The following ZNF830 variants were observed in gnomAD, a reference collection of about 807,000 sequenced individuals.
ZNF830 encodes the protein coiled-coil domain containing 16.
In ZNF830, 15 loss-of-function variants were observed where a neutral mutation model predicts 28.1. The observed-to-expected ratio is 0.53, with a 90% confidence interval of 0.36 to 0.82. The LOEUF (loss-of-function observed/expected upper bound fraction) is 0.82. ZNF830 is among the 40% of genes least tolerant of loss of function. The probability of loss-of-function intolerance (pLI) is 0.01; values close to 1 mark genes in which losing one functional copy is unlikely to be tolerated. For missense variants in ZNF830, 456 were observed against 467.7 expected (o/e 0.97, Z 0.23); for synonymous variants, 208 against 185.3 (o/e 1.12, Z -0.99).
Position 34,962,769 on chromosome 17 carries a change from C to T in ZNF830, c.*84C>T. 1 of 1,485,550 alleles carries T rather than the reference C, an allele frequency of 6.7e-7. No individual in the cohort carries two copies. Among genetic ancestry groups the T allele is most frequent in the Non-Finnish European group, 8.9e-7 (1 of 1,121,226 alleles). 92.0% of individuals were successfully genotyped at this position (1,485,550 alleles called of 1,614,324 possible). A position where few individuals can be genotyped will look rare whatever the true frequency, so the allele number is the denominator to read the frequency against. On this transcript the variant is annotated 3_prime_UTR_variant, in exon 1 of 1. Transcript: ENST00000361952. ...TCAGTAGTATAGCGGTTACTTCATG[C>T]CTCAAGATTTGGGTACCTGGATTGC...
rs1567676549 is a variant in ZNF830, at chr17:34,961,548, T to C, written c.-19T>C. ...CTCGCCCGACGGAAACCAGAATCGT[T>C]TTGGGTCTGGTCGCCAAGATGGCGT... On this transcript the variant is annotated 5_prime_UTR_variant, in exon 1 of 1. Transcript: ENST00000361952. The C allele has an allele frequency of 1.2e-5, 20 of 1,610,218 alleles. No homozygotes were observed. Among genetic ancestry groups the C allele is most frequent in the Non-Finnish European group, 1.6e-5 (19 of 1,177,634 alleles).
In ZNF830 at chr17:34,961,918, G is replaced by A; in HGVS notation, c.352G>A (p.Ala118Thr). ...ADDQDVKRAKATLVPQVQPST... is the reference protein window; with the variant it reads ...ADDQDVKRAKTTLVPQVQPST... ...CGACCAAGATGTCAAGAGAGCGAAGGCCACCTTGGTGCCTCAGGTACAGCC... is the reference window on the plus strand; with the variant it reads ...CGACCAAGATGTCAAGAGAGCGAAGACCACCTTGGTGCCTCAGGTACAGCC... Residue 118 changes from alanine (A) to threonine (T), a missense_variant, in exon 1 of 1, where the codon GCC (alanine) becomes ACC (threonine). By Grantham distance (58) the Ala-to-Thr change is moderately conservative. Transcript: ENST00000361952. 6.2e-7 allele frequency: 1 copy of A among 1,614,176 alleles called. No homozygotes were observed. The highest frequency in any genetic ancestry group is 8.5e-7 in the Non-Finnish European group (1 of 1,180,024).
rs768256504 is a variant in ZNF830 at position 34,962,322 on chromosome 17, C to T, written c.756C>T (p.Asp252=). 5 of 1,613,834 alleles carry T rather than the reference C, an allele frequency of 3.1e-6. No homozygotes were observed. The highest frequency in any genetic ancestry group is 4.5e-5 in the East Asian group (2 of 44,888). Residue 252 remains aspartate, a synonymous_variant, in exon 1 of 1, where the codon GAC becomes GAT. Transcript: ENST00000361952. ...AAGCGTTACCGGAAGGTTTTTTTGA[C>T]GACCCTGAGGTAGATGCAAGAGTAC... The part of the protein sequence containing the change: ...TAEALPEGFF[D]DPEVDARVRK...
chr17:34,961,867 G>T lies in ZNF830; in HGVS notation c.301G>T (p.Val101Phe), dbSNP rs751293543. The T allele has an allele frequency of 6.2e-7, 1 of 1,614,090 alleles. No homozygotes were observed. Among genetic ancestry groups the T allele is most frequent in the African/African-American group, 1.3e-5 (1 of 75,014 alleles). ...GSSASSAPHS[V>F]KRKAPDADDQ... is the part of the protein sequence containing the mutation. ...GTCCGCCAGTTCAGCGCCTCATTCC[G>T]TCAAGAGGAAAGCGCCGGACGCAGA... The change falls in exon 1 of 1, where the codon GTC (valine) becomes TTC (phenylalanine). Residue 101 changes from valine (V) to phenylalanine (F), a missense_variant. By Grantham distance (50) the Val-to-Phe change is conservative. Transcript: ENST00000361952.
rs1192096872 is a variant in ZNF830 at position 34,962,358 on chromosome 17, T to C, written c.792T>C (p.Asp264=). The C allele has an allele frequency of 6.2e-7, 1 of 1,614,156 alleles. No homozygotes were observed. The highest frequency in any genetic ancestry group is 8.5e-7 in the Non-Finnish European group (1 of 1,180,042). The change falls in exon 1 of 1, where the codon GAT becomes GAC. Residue 264 remains aspartate (D), a synonymous_variant. Transcript: ENST00000361952. ...PEVDARVRKV[D]APKDQMDKEW... is the part of the protein sequence containing the mutation. The stretch of plus-strand genomic sequence containing the variant: ...TAGATGCAAGAGTACGAAAGGTTGA[T>C]GCTCCAAAAGATCAGATGGACAAAG...
At position 34,963,035 on chromosome 17, in the gene ZNF830, G is replaced by A. The variant is rs544247427; in HGVS notation, c.*350G>A. ...TTTTTAATTAATAGAAAGACCAACC[G>A]GCAAACTTTCAGATGAATGCTTACT... On this transcript the variant is annotated 3_prime_UTR_variant, in exon 1 of 1. Transcript: ENST00000361952. The A allele has an allele frequency of 1.1e-5, 2 of 189,200 alleles. No homozygotes were observed. Among genetic ancestry groups the A allele is most frequent in the Admixed American group, 6.0e-5 (1 of 16,552 alleles). 11.7% of individuals were successfully genotyped at this position (189,200 alleles called of 1,614,324 possible). A position where few individuals can be genotyped will look rare whatever the true frequency, so the allele number is the denominator to read the frequency against.
Position 34,961,724 on chromosome 17 carries a change from G to T in ZNF830, c.158G>T (p.Cys53Phe), listed in dbSNP as rs1434181358. Reference protein sequence around the residue: ...AKYNRLGQLSCALCNTPVKSE... With the variant: ...AKYNRLGQLSFALCNTPVKSE... ...TACAACCGTTTGGGGCAGCTGAGTTGTGCCCTGTGTAACACTCCGGTTAAG... is the reference window on the plus strand; with the variant it reads ...TACAACCGTTTGGGGCAGCTGAGTTTTGCCCTGTGTAACACTCCGGTTAAG... Residue 53 changes from cysteine to phenylalanine, a missense_variant, in exon 1 of 1, where the codon TGT becomes TTT. Physicochemically the swap from Cys to Phe is radical, Grantham distance 205. Transcript: ENST00000361952. The T allele has an allele frequency of 6.2e-6, 10 of 1,614,188 alleles. No homozygotes were observed. In the South Asian group the frequency reaches 7.7e-5, roughly 12 times the overall value.
Position 34,963,468 on chromosome 17 carries a change from T to C in ZNF830, c.*783T>C, listed in dbSNP as rs2090441519. On this transcript the variant is annotated 3_prime_UTR_variant, in exon 1 of 1. Transcript: ENST00000361952. ...TTCAGGTTTTTTCTTTTTCTTTAAA[T>C]AACACATTCCATAAATTTGCTGTTT... 1.3e-5 allele frequency: 2 copies of C among 152,240 alleles called. No homozygotes were observed. Among genetic ancestry groups the C allele is most frequent in the Admixed American group, 6.5e-5 (1 of 15,290 alleles). The allele number at this position is 152,240 out of a possible 1,614,324, so 9.4% of individuals were successfully genotyped here.
rs751718247 is a variant in ZNF830 at position 34,961,562 on chromosome 17, C to T, written c.-5C>T. ...ACCAGAATCGTTTTGGGTCTGGTCG[C>T]CAAGATGGCGTCCTCCGCCTCCGCC... On this transcript the variant is annotated 5_prime_UTR_variant, in exon 1 of 1. Coordinates refer to ENST00000361952, the MANE Select transcript of ZNF830 (RefSeq NM_052857.4). The T allele has an allele frequency of 1.2e-6, 2 of 1,612,746 alleles. No individual in the cohort carries two copies. The highest frequency in any genetic ancestry group is 1.1e-5 in the South Asian group (1 of 90,998).
Position 34,961,962 on chromosome 17 carries a change from C to G in ZNF830, c.396C>G (p.Thr132=). The G allele has an allele frequency of 6.2e-7, 1 of 1,614,184 alleles. No individual in the cohort carries two copies. Among genetic ancestry groups the G allele is most frequent in the Non-Finnish European group, 8.5e-7 (1 of 1,180,040 alleles). Residue 132 remains threonine, a synonymous_variant, in exon 1 of 1, where the codon ACC becomes ACG. Coordinates refer to ENST00000361952, the MANE Select transcript of ZNF830 (RefSeq NM_052857.4). Reference sequence around the variant, plus strand: ...TACAGCCCTCCACATCTGCGTGGACCACCAACTTTGACAAAATAGGAAAGG... The same window carrying G: ...TACAGCCCTCCACATCTGCGTGGACGACCAACTTTGACAAAATAGGAAAGG... ...PQVQPSTSAW[T]TNFDKIGKEF... is the part of the protein sequence containing the mutation.
chr17:34,961,723 T>C lies in ZNF830; in HGVS notation c.157T>C (p.Cys53Arg). The change falls in exon 1 of 1, where the codon TGT becomes CGT. Residue 53 changes from cysteine (C) to arginine (R), a missense_variant. Cys to Arg is a radical substitution (Grantham distance 180). Around this residue, in one of 2 missense-constraint regions of ZNF830, gnomAD observed 331 missense variants for 290.1 expected, o/e 1.14. Transcript: ENST00000361952. ...AKYNRLGQLS[C>R]ALCNTPVKSE... is the part of the protein sequence containing the mutation. ...GTACAACCGTTTGGGGCAGCTGAGT[T>C]GTGCCCTGTGTAACACTCCGGTTAA... The C allele has an allele frequency of 6.2e-7, 1 of 1,614,150 alleles. No homozygotes were observed. Among genetic ancestry groups the C allele is most frequent in the Non-Finnish European group, 8.5e-7 (1 of 1,180,020 alleles).
rs746430524 is a variant in ZNF830, at chr17:34,962,115, G to T, written c.549G>T (p.Pro183=). 1 of 1,614,148 alleles carries T rather than the reference G, an allele frequency of 6.2e-7. No homozygotes were observed. The highest frequency in any genetic ancestry group is 1.1e-5 in the South Asian group (1 of 91,078). The part of the protein sequence containing the change: ...GERKRGDASK[P]LSDAQGKEHS... ...GAAAAAGGGGGGACGCCAGCAAGCC[G>T]CTCTCCGACGCACAGGGCAAGGAGC... Residue 183 remains proline, a synonymous_variant, in exon 1 of 1, where the codon CCG becomes CCT. Coordinates refer to ENST00000361952, the MANE Select transcript of ZNF830 (RefSeq NM_052857.4).
At position 34,963,462 on chromosome 17, in the gene ZNF830, TTTAAATAA is replaced by T. The variant is rs2090441432; in HGVS notation, c.*778_*785del. ...ATGTTTTTCAGGTTTTTTCTTTTTCTTTAAATAACACATTCCATAAATTTGCTGTTTCT... is the reference window on the plus strand; with the variant it reads ...ATGTTTTTCAGGTTTTTTCTTTTTCTCACATTCCATAAATTTGCTGTTTCT... On this transcript the variant is annotated 3_prime_UTR_variant, in exon 1 of 1. Transcript: ENST00000361952. The T allele has an allele frequency of 6.6e-6, 1 of 152,258 alleles. No individual in the cohort carries two copies. The highest frequency in any genetic ancestry group is 1.9e-4 in the East Asian group (1 of 5,206). The allele number at this position is 152,258 out of a possible 1,614,324, so 9.4% of individuals were successfully genotyped here.
rs369467017 is a variant in ZNF830, at chr17:34,961,812, G to A, written c.246G>A (p.Leu82=). Residue 82 remains leucine, a synonymous_variant, in exon 1 of 1, where the codon CTG becomes CTA. Coordinates refer to ENST00000361952, the MANE Select transcript of ZNF830 (RefSeq NM_052857.4). ...AGCACCGAGAGAAAGTGGCCGAGCTGAAAGGCGCGAAGGAAGCCAGCCAGG... is the reference window on the plus strand; with the variant it reads ...AGCACCGAGAGAAAGTGGCCGAGCTAAAAGGCGCGAAGGAAGCCAGCCAGG... ...GKQHREKVAE[L]KGAKEASQGS... is the part of the protein sequence containing the mutation. The A allele has an allele frequency of 2.5e-6, 4 of 1,614,032 alleles. No homozygotes were observed. The South Asian group carries it at 4.4e-5, about 18-fold the overall frequency.
In ZNF830 at chr17:34,961,977, A is replaced by C; in HGVS notation, c.411A>C (p.Lys137Asn). 1 of 1,614,180 alleles carries C rather than the reference A, an allele frequency of 6.2e-7. No individual in the cohort carries two copies. The highest frequency in any genetic ancestry group is 8.5e-7 in the Non-Finnish European group (1 of 1,180,024). ...STSAWTTNFD[K>N]IGKEFIRATP... is the part of the protein sequence containing the mutation. The stretch of plus-strand genomic sequence containing the variant: ...CTGCGTGGACCACCAACTTTGACAA[A>C]ATAGGAAAGGAGTTCATTAGAGCGA... The change falls in exon 1 of 1, where the codon AAA becomes AAC. Residue 137 changes from lysine to asparagine, a missense_variant. By Grantham distance (94) the Lys-to-Asn change is moderately conservative. Coordinates refer to ENST00000361952, the MANE Select transcript of ZNF830 (RefSeq NM_052857.4).
Position 34,962,401 on chromosome 17 carries a change from A to C in ZNF830, c.835A>C (p.Lys279Gln). The change falls in exon 1 of 1, where the codon AAA becomes CAA. Residue 279 changes from lysine (K) to glutamine (Q), a missense_variant. Lys to Gln is a moderately conservative substitution (Grantham distance 53, BLOSUM62 1). Around this residue, in one of 2 missense-constraint regions of ZNF830, gnomAD observed 125 missense variants for 177.7 expected, o/e 0.70. Transcript: ENST00000361952. ...GGACAAAGAGTGGGACGAATTCCAA[A>C]AAGCCATGAGGCAGGTCAACACTAT... ...QMDKEWDEFQ[K>Q]AMRQVNTISE... The C allele has an allele frequency of 6.2e-7, 1 of 1,614,242 alleles. No homozygotes were observed. Among genetic ancestry groups the C allele is most frequent in the Non-Finnish European group, 8.5e-7 (1 of 1,180,052 alleles).
In ZNF830 at chr17:34,962,124, C is replaced by T. The variant is rs2090428419; in HGVS notation, c.558C>T (p.Asp186=). 1 of 1,614,164 alleles carries T rather than the reference C, an allele frequency of 6.2e-7. No homozygotes were observed. ...KRGDASKPLS[D]AQGKEHSVSS... The stretch of plus-strand genomic sequence containing the variant: ...GGGACGCCAGCAAGCCGCTCTCCGA[C>T]GCACAGGGCAAGGAGCACTCAGTTT... The change falls in exon 1 of 1, where the codon GAC becomes GAT. Residue 186 remains aspartate (D), a synonymous_variant. Transcript: ENST00000361952.
At position 34,962,236 on chromosome 17, in the gene ZNF830, G is replaced by T; in HGVS notation, c.670G>T (p.Gly224Trp). ...PPKAPIIPHS[G>W]SIEKAEIHEK... is the part of the protein sequence containing the mutation. ...CAAGGCCCCCATAATTCCTCATTCAGGGTCAATTGAGAAAGCAGAAATACA... is the reference window on the plus strand; with the variant it reads ...CAAGGCCCCCATAATTCCTCATTCATGGTCAATTGAGAAAGCAGAAATACA... Residue 224 changes from glycine (G) to tryptophan (W), a missense_variant, in exon 1 of 1, where the codon GGG becomes TGG. By Grantham distance (184) the Gly-to-Trp change is radical. Transcript: ENST00000361952. 6.2e-7 allele frequency: 1 copy of T among 1,613,926 alleles called. No homozygotes were observed. Among genetic ancestry groups the T allele is most frequent in the African/African-American group, 1.3e-5 (1 of 75,034 alleles).
Position 34,962,451 on chromosome 17 carries a change from G to T in ZNF830, c.885G>T (p.Glu295Asp). 1 of 1,614,214 alleles carries T rather than the reference G, an allele frequency of 6.2e-7. No homozygotes were observed. Among genetic ancestry groups the T allele is most frequent in the Non-Finnish European group, 8.5e-7 (1 of 1,180,044 alleles). Residue 295 changes from glutamate to aspartate, a missense_variant, in exon 1 of 1, where the codon GAG becomes GAT. Glu to Asp is a conservative substitution (Grantham distance 45, BLOSUM62 2). This residue lies in a region of ZNF830 where 125 missense variants were observed against 177.7 expected (regional missense o/e 0.70). Transcript: ENST00000361952. ...TTTCCGAAGCCATAGTTGCCGAAGAGGATGAGGAGGGACGGTTGGACCGCC... is the reference window on the plus strand; with the variant it reads ...TTTCCGAAGCCATAGTTGCCGAAGATGATGAGGAGGGACGGTTGGACCGCC... Reference protein sequence around the residue: ...NTISEAIVAEEDEEGRLDRQI... With the variant: ...NTISEAIVAEDDEEGRLDRQI...
Sources: gnomAD v4.1 joint callset for allele counts on GRCh38, gnomAD v4.1.1 for gene constraint, gnomAD v4.1.1 regional missense constraint, MANE v1.5 for transcripts, NCBI Gene and HGNC (gene_info 2026-07-23, HGNC 2026-07-21) for gene names.